ZCCHC14: variants seen among roughly 807,000 people sequenced by gnomAD.
The protein encoded by ZCCHC14 is zinc finger CCHC domain-containing protein 14.
In ZCCHC14, 16 loss-of-function variants were observed where a neutral mutation model predicts 85.0. That is an observed-to-expected ratio of 0.19 (90% CI 0.13 to 0.29). The LOEUF (loss-of-function observed/expected upper bound fraction) is 0.29, where lower values mean the gene tolerates loss of function less well. Among genes scored for constraint, ZCCHC14 ranks in the 10% least tolerant of loss-of-function variants. ZCCHC14 has a pLI of 1.00. For synonymous variants in ZCCHC14, 775 were observed against 630.7 expected (o/e 1.23, Z -3.43); for missense variants, 1,303 against 1,443.5 (o/e 0.90, Z 1.58).
chr16:87,466,616 CG>C (rs145964711), intron 1 of ZCCHC14, among the ~76,000 whole-genome samples: 1,959 of 144,442 alleles, frequency 0.014, 16 homozygotes, highest in Middle Eastern at 0.051. Context: ...ATGGGCTCCT[CG>C]AACAGAGTCT....
rs375015291 is a variant in ZCCHC14, at chr16:87,411,874, G to A, written c.2847C>T (p.His949=). The A allele has an allele frequency of 6.2e-7, 1 of 1,603,604 alleles. No homozygotes were observed. The highest frequency in any genetic ancestry group is 8.5e-7 in the Non-Finnish European group (1 of 1,175,964). The change falls in exon 12 of 13, where the codon CAC becomes CAT. Residue 949 remains histidine (H), a synonymous_variant. Coordinates refer to ENST00000671377, the MANE Select transcript of ZCCHC14 (RefSeq NM_015144.3). ...TGAACACGGACGGACCGGAGAACGG[G>A]TGCTGGAAGTAGTTGGCGTAGCTGA... ...LTVSYANYFQ[H]PFSGPSVFTF...
chr16:87,417,249 A>G (rs555976991), intron 8 of ZCCHC14, among the ~76,000 whole-genome samples: 1 of 152,270 alleles, frequency 6.6e-6, no homozygotes, highest in East Asian at 1.9e-4. Context: ...AAGCCCCTAG[A>G]CAAGCTGTTT....
chr16:87,423,185 T>C (rs1273739904), intron 4 of ZCCHC14, among the ~76,000 whole-genome samples: 1 of 152,224 alleles, frequency 6.6e-6, no homozygotes, highest in African/African-American at 2.4e-5. Context: ...CAGTTACAAC[T>C]GTGTGTACAC....
At chr16:87,427,869 C>T (rs1272255451) in intron 3 of ZCCHC14, among the ~76,000 whole-genome samples, 5 of 151,586 alleles carry the variant, frequency 3.3e-5, no homozygotes, top group South Asian at 2.1e-4. Flanking sequence ...CTGGCTCAAG[C>T]GATCCGTCTG....
intron 1 of ZCCHC14, chr16:87,467,460 G>C: frequency 6.2e-7 from 1 of 1,606,658 alleles, no homozygotes; most frequent in Non-Finnish European, 8.5e-7. Flanking sequence ...TTCTGTTCAC[G>C]GTGTGAGTAC....
At chr16:87,452,733 G>A (rs1342812895) in intron 2 of ZCCHC14, among the ~76,000 whole-genome samples, 1 of 152,218 alleles carries the variant, frequency 6.6e-6, no homozygotes, top group African/African-American at 2.4e-5. Context: ...AGAAAAGGTA[G>A]TGAGCTCTGA....
chr16:87,434,893 A>T (rs1233750754), intron 2 of ZCCHC14, among the ~76,000 whole-genome samples: 1 of 148,370 alleles, frequency 6.7e-6, no homozygotes, highest in African/African-American at 2.5e-5. Context: ...CGGGAGGCTG[A>T]GGCAGGAGAA....
At chr16:87,418,800 G>C (rs751902552) in intron 7 of ZCCHC14, 47 bp downstream of exon 7, 63 of 1,563,864 alleles carry the variant, frequency 4.0e-5, no homozygotes, top group Non-Finnish European at 5.5e-5. Context: ...AGTAAACATT[G>C]TAAAATGCTT....
At chr16:87,483,864 G>A (rs1912397911) in intron 1 of ZCCHC14, among the ~76,000 whole-genome samples, 1 of 152,220 alleles carries the variant, frequency 6.6e-6, no homozygotes, top group South Asian at 2.1e-4. Flanking sequence ...CCCATCTGCT[G>A]TCTGTAACAT....
At chr16:87,458,097 A>C (rs1172285694) in intron 2 of ZCCHC14, among the ~76,000 whole-genome samples, 2 of 65,936 alleles carry the variant, frequency 3.0e-5, no homozygotes, top group South Asian at 1.2e-3. Flanking sequence ...TTGAAATTAT[A>C]CAGAAAAAAA....
intron 1 of ZCCHC14, among the ~76,000 whole-genome samples, chr16:87,462,344 G>A (rs369442345): frequency 2.0e-5 from 3 of 152,108 alleles, no homozygotes; most frequent in East Asian, 1.9e-4. Flanking sequence ...TAATAGAACC[G>A]ATACAAGTAC....
At chr16:87,457,558 T>A (rs1911037153) in intron 2 of ZCCHC14, among the ~76,000 whole-genome samples, 1 of 152,228 alleles carries the variant, frequency 6.6e-6, no homozygotes, top group East Asian at 1.9e-4. Flanking sequence ...TGGACTGTTG[T>A]TCAAGTATAT....
Position 87,447,303 on chromosome 16 carries a change from TG to T in ZCCHC14, c.694+12704del, listed in dbSNP as rs1278715376. ...TGTGTGAAACGGCAAGGGGGTCAGGTGTTTTTTTTTTAATTTGAGGCGAAAT... is the reference window on the plus strand; with the variant it reads ...TGTGTGAAACGGCAAGGGGGTCAGGTTTTTTTTTTTAATTTGAGGCGAAAT... On this transcript the variant is annotated intron_variant, in intron 2 of 12. Transcript: ENST00000671377. 2.6e-5 allele frequency among the ~76,000 whole-genome samples: 4 copies of T among 151,608 alleles called. No individual in the cohort carries two copies. The East Asian group carries it at 7.7e-4, about 29-fold the overall frequency.
chr16:87,429,719 G>C (rs1323056509), intron 3 of ZCCHC14, among the ~76,000 whole-genome samples: 2 of 152,144 alleles, frequency 1.3e-5, no homozygotes, highest in African/African-American at 4.8e-5. Context: ...CAATTCTCCT[G>C]CCTCAGCCTC....
intron 1 of ZCCHC14, among the ~76,000 whole-genome samples, chr16:87,490,311 C>G (rs1191080957): frequency 6.6e-6 from 1 of 152,234 alleles, no homozygotes; most frequent in Non-Finnish European, 1.5e-5. Context: ...AAAGTCTTAT[C>G]AAAGTTTTAA....
intron 1 of ZCCHC14, chr16:87,472,959 C>T (rs1245683689): frequency 6.6e-6 from 1 of 152,176 alleles, no homozygotes; most frequent in Non-Finnish European, 1.5e-5. Context: ...AGAGATCCTC[C>T]CAACTCAGCC....
chr16:87,412,515 C>T lies in ZCCHC14; in HGVS notation c.2206G>A (p.Ala736Thr), dbSNP rs144471734. ...SFGPRTKVVH[A>T]STLDRVLKTA... ...TTCAGCACCCTGTCCAGCGTGGATG[C>T]ATGCACGACTTTGGTCCGGGGACCA... The change falls in exon 12 of 13, where the codon GCA becomes ACA. Residue 736 changes from alanine to threonine, a missense_variant. By Grantham distance (58) the Ala-to-Thr change is moderately conservative. Coordinates refer to ENST00000671377, the MANE Select transcript of ZCCHC14 (RefSeq NM_015144.3). 6.2e-7 allele frequency: 1 copy of T among 1,614,082 alleles called. No homozygotes were observed. Among genetic ancestry groups the T allele is most frequent in the Non-Finnish European group, 8.5e-7 (1 of 1,180,038 alleles).
chr16:87,449,833 C>A (rs1910610951), intron 2 of ZCCHC14, among the ~76,000 whole-genome samples: 2 of 152,074 alleles, frequency 1.3e-5, no homozygotes, highest in South Asian at 4.2e-4. Flanking sequence ...TGGCTTGAGC[C>A]CAGGAGTTCA....
intron 7 of ZCCHC14, 79 bp from the exon 8 acceptor site, chr16:87,417,821 G>A: frequency 6.9e-7 from 1 of 1,449,450 alleles, no homozygotes; most frequent in Admixed American, 2.6e-5. Context: ...CTCACTTCCA[G>A]GCCTTTCTGT....
Sources: allele counts gnomAD v4.1 joint callset (sites outside exome capture counted in the v4.1 genomes callset), GRCh38; gene constraint gnomAD v4.1.1; transcripts MANE v1.5; gene names NCBI Gene and HGNC (gene_info 2026-07-23, HGNC 2026-07-21).